Variants in HDAC4 observed in about 807,000 individuals in gnomAD.
HDAC4 encodes histone deacetylase 4.
A neutral mutation model predicts 135.1 loss-of-function variants in HDAC4; 16 were observed. That is an observed-to-expected ratio of 0.12 (90% CI 0.08 to 0.18). The LOEUF (loss-of-function observed/expected upper bound fraction) is 0.18, where lower values mean the gene tolerates loss of function less well. Among genes scored for constraint, HDAC4 ranks in the 10% least tolerant of loss-of-function variants. The pLI, the probability that HDAC4 is intolerant of heterozygous loss-of-function variation, is 1.00. For synonymous variants in HDAC4, 685 were observed against 653.4 expected, an observed-to-expected ratio of 1.05 and a Z score of -0.74; for missense variants, 1,143 against 1,511.8, an observed-to-expected ratio of 0.76 and a Z score of 4.05.
chr2:239,305,636 G>C (rs1026639144), intron 2 of HDAC4: 1 of 152,564 alleles, frequency 6.6e-6, no homozygotes, highest in Non-Finnish European at 1.5e-5. Flanking sequence ...TTCTGGACTT[G>C]TAGGTAAATG....
intron 22 of HDAC4, among the ~76,000 whole-genome samples, chr2:239,074,199 C>T (rs1207811734): frequency 6.6e-5 from 10 of 152,268 alleles, no homozygotes; most frequent in Non-Finnish European, 1.2e-4. Context: ...AAACCTTTTT[C>T]TTTGGACAGA....
intron 7 of HDAC4, 141 bp downstream of exon 7, chr2:239,156,511 T>C: frequency 9.8e-7 from 1 of 1,017,102 alleles, no homozygotes; most frequent in South Asian, 1.3e-5. Flanking sequence ...AAAACGATGC[T>C]CTATGAAAGG....
chr2:239,283,455 C>T (rs1428974825), intron 2 of HDAC4, among the ~76,000 whole-genome samples: 3 of 152,248 alleles, frequency 2.0e-5, no homozygotes, highest in African/African-American at 7.2e-5. Flanking sequence ...GAGGCTGCAG[C>T]GAGTGTCGGG....
intron 3 of HDAC4, among the ~76,000 whole-genome samples, chr2:239,202,417 C>T (rs991327292): frequency 1.3e-5 from 2 of 152,144 alleles, no homozygotes; most frequent in African/African-American, 2.4e-5. Context: ...GGGCAGTGGA[C>T]GGGGCGTAGA....
intron 2 of HDAC4, among the ~76,000 whole-genome samples, chr2:239,290,643 ACAC>A (rs1023150952): frequency 2.0e-5 from 3 of 152,182 alleles, no homozygotes; most frequent in African/African-American, 7.2e-5. Context: ...ATGTACGCAC[ACAC>A]AACCACACAT....
In HDAC4 at chr2:239,307,984, A is replaced by G. The variant is rs575317295; in HGVS notation, c.22+44694T>C. Among the ~76,000 whole-genome samples the G allele has an allele frequency of 6.6e-6, 1 of 152,100 alleles. No homozygotes were observed. The highest frequency in any genetic ancestry group is 2.1e-4 in the South Asian group (1 of 4,818). On this transcript the variant is annotated intron_variant, in intron 2 of 26. Transcript: ENST00000543185. The surrounding 1 kb of genome is among the most constrained non-coding windows in gnomAD (Gnocchi z 4.8). ...CAGCAAAGTGTCCCCATCCCCCCCA[A>G]AGTGAGCGGCCACACAGCAATGAGT... is the stretch of plus-strand genomic sequence containing the variant.
chr2:239,164,884 C>T (rs7599555), intron 5 of HDAC4, among the ~76,000 whole-genome samples: 28,079 of 152,166 alleles, frequency 0.18, 2,992 homozygotes, highest in East Asian at 0.32. Flanking sequence ...AACAAACTTA[C>T]TATTCTAACC....
chr2:239,239,171 T>A (rs992308998), intron 2 of HDAC4, among the ~76,000 whole-genome samples: 1 of 152,194 alleles, frequency 6.6e-6, no homozygotes, highest in African/African-American at 2.4e-5. Context: ...TCCACAAGGC[T>A]GCCCCCATTT....
intron 1 of HDAC4, among the ~76,000 whole-genome samples, chr2:239,398,411 G>A (rs1696710718): frequency 6.6e-6 from 1 of 152,226 alleles, no homozygotes; most frequent in Non-Finnish European, 1.5e-5. Flanking sequence ...CAATGAAGCT[G>A]GAGAATGGAA....
chr2:239,372,115 G>A (rs548251063), intron 1 of HDAC4, among the ~76,000 whole-genome samples: 1 of 152,286 alleles, frequency 6.6e-6, no homozygotes, highest in African/African-American at 2.4e-5. Context: ...GAACCCATAG[G>A]AACCTGATGG....
chr2:239,122,293 T>A (rs909792232), intron 12 of HDAC4, among the ~76,000 whole-genome samples: 1 of 152,194 alleles, frequency 6.6e-6, no homozygotes, highest in Non-Finnish European at 1.5e-5. Flanking sequence ...CAAGGCTTCT[T>A]GCTGTAGGGG....
intron 1 of HDAC4, among the ~76,000 whole-genome samples, chr2:239,371,975 G>A (rs111762461): frequency 0.048 from 7,341 of 152,260 alleles, 577 homozygotes; most frequent in African/African-American, 0.17. Flanking sequence ...GCTGGCGGAC[G>A]GGAGCAGCTG....
rs2041761411 is a variant in HDAC4 at position 239,146,366 on chromosome 2, A to G, written c.734-1652T>C. On this transcript the variant is annotated intron_variant, in intron 7 of 26. Transcript: ENST00000543185. The surrounding 1 kb of genome is among the most constrained non-coding windows in gnomAD (Gnocchi z 4.5). ...ATTCCCCGGGCCTGGGACAGGAGCCACTTCTGAGAGGCAGGGGCTGTGTGT... is the reference window on the plus strand; with the variant it reads ...ATTCCCCGGGCCTGGGACAGGAGCCGCTTCTGAGAGGCAGGGGCTGTGTGT... Among the ~76,000 whole-genome samples, 1 of 152,232 alleles carries G rather than the reference A, an allele frequency of 6.6e-6. No homozygotes were observed. The highest frequency in any genetic ancestry group is 1.5e-5 in the Non-Finnish European group (1 of 68,032).
At chr2:239,297,837 T>A (rs2052005160) in intron 2 of HDAC4, among the ~76,000 whole-genome samples, 2 of 152,254 alleles carry the variant, frequency 1.3e-5, no homozygotes, top group South Asian at 2.1e-4. Context: ...TTTGAGAAAA[T>A]TGAGACCTTG....
chr2:239,115,180 G>A lies in HDAC4; in HGVS notation c.1664C>T (p.Ala555Val), dbSNP rs777061482. ...CACCTGCACGCCGGCCTGTGCGTGCGCCTCCTTCTGCCCCGGCAGCCGGTC... is the reference window on the plus strand; with the variant it reads ...CACCTGCACGCCGGCCTGTGCGTGCACCTCCTTCTGCCCCGGCAGCCGGTC... ...YLDRLPGQKE[A>V]HAQAGVQVKQ... Residue 555 changes from alanine (A) to valine (V), a missense_variant, in exon 13 of 27, where the codon GCG (alanine) becomes GTG (valine). Physicochemically the swap from Ala to Val is moderately conservative, Grantham distance 64. Coordinates refer to ENST00000543185, the MANE Select transcript of HDAC4 (RefSeq NM_001378414.1). The surrounding 1 kb of genome is among the most constrained non-coding windows in gnomAD (Gnocchi z 6.3). The A allele has an allele frequency of 4.0e-5, 64 of 1,610,748 alleles. No individual in the cohort carries two copies. The highest frequency in any genetic ancestry group is 1.2e-4 in the Admixed American group (7 of 60,004).
At chr2:239,295,985 G>A (rs1422578552) in intron 2 of HDAC4, among the ~76,000 whole-genome samples, 1 of 152,218 alleles carries the variant, frequency 6.6e-6, no homozygotes, top group Non-Finnish European at 1.5e-5. Context: ...GGCAATGGGC[G>A]CATCTACAGA....
chr2:239,089,997 G>A lies in HDAC4; in HGVS notation c.2388+12C>T, dbSNP rs758284809. On this transcript the variant is annotated intron_variant, in intron 18 of 26. Coordinates refer to ENST00000543185, the MANE Select transcript of HDAC4 (RefSeq NM_001378414.1). ...CTCCTGGAGGGCCACCACTGTCCAG[G>A]CCCCGACTGACCTTCAGCTCCCCTG... The A allele has an allele frequency of 4.4e-6, 7 of 1,596,560 alleles. No homozygotes were observed. The East Asian group carries it at 1.6e-4, about 36-fold the overall frequency.
At chr2:239,190,417 C>T (rs987663372) in intron 3 of HDAC4, among the ~76,000 whole-genome samples, 4 of 152,228 alleles carry the variant, frequency 2.6e-5, no homozygotes, top group African/African-American at 9.6e-5. Context: ...TTGCTGACGT[C>T]ATTTCTAGAG....
intron 2 of HDAC4, among the ~76,000 whole-genome samples, chr2:239,260,747 CT>C (rs1391105581): frequency 5.3e-5 from 8 of 152,234 alleles, no homozygotes; most frequent in Non-Finnish European, 2.9e-5. Context: ...TGGCCTCCCC[CT>C]GGGCACGCCT....
Sources: gnomAD v4.1 joint callset for allele counts (sites outside exome capture counted in the v4.1 genomes callset) on GRCh38, gnomAD v4.1.1 for gene constraint, Gnocchi (gnomAD v3.1) non-coding constraint, MANE v1.5 for transcripts, NCBI Gene and HGNC (gene_info 2026-07-23, HGNC 2026-07-21) for gene names.